The following ANKRD12 variants were observed in gnomAD, a reference collection of about 807,000 sequenced individuals.
ANKRD12 encodes ankyrin repeat domain-containing protein 12.
A neutral mutation model predicts 183.4 loss-of-function variants in ANKRD12; 85 were observed. The ratio of observed to expected loss-of-function variants is 0.46; its 90% CI spans 0.39 to 0.56. ANKRD12 has a LOEUF of 0.56. Among genes scored for constraint, ANKRD12 ranks in the 20% least tolerant of loss-of-function variants. The pLI, the probability that ANKRD12 is intolerant of heterozygous loss-of-function variation, is 0.00. For missense variants in ANKRD12, 2,405 were observed against 2,357.1 expected (o/e 1.02, Z -0.42); for synonymous variants, 914 against 800.2 (o/e 1.14, Z -2.40).
chr18:9,272,243 A>AG (rs895642791), intron 10 of ANKRD12, among the ~76,000 whole-genome samples: 1 of 152,196 alleles, frequency 6.6e-6, no homozygotes, highest in Admixed American at 6.5e-5. Context: ...CAATTATTTT[A>AG]GGGGAGAGAG....
chr18:9,245,138 A>G (rs1379520480), intron 8 of ANKRD12, among the ~76,000 whole-genome samples: 1 of 152,162 alleles, frequency 6.6e-6, no homozygotes, highest in African/African-American at 2.4e-5. Flanking sequence ...GTTTTTTCTT[A>G]GTAATAATTC....
At chr18:9,198,556 A>C (rs1039111100) in intron 3 of ANKRD12, among the ~76,000 whole-genome samples, 5 of 152,160 alleles carry the variant, frequency 3.3e-5, no homozygotes, top group Admixed American at 3.3e-4. Flanking sequence ...AATAATGATA[A>C]CTATTATTAT....
intron 10 of ANKRD12, among the ~76,000 whole-genome samples, chr18:9,265,901 A>G (rs968701732): frequency 6.6e-5 from 10 of 152,232 alleles, no homozygotes; most frequent in Admixed American, 2.6e-4. Flanking sequence ...GCTAACTAGA[A>G]TAACCAATGC....
chr18:9,180,112 T>G (rs541245565), intron 1 of ANKRD12, among the ~76,000 whole-genome samples: 2 of 152,352 alleles, frequency 1.3e-5, no homozygotes, highest in South Asian at 2.1e-4. Flanking sequence ...GTTGGCCGTT[T>G]TTGTTTCATG....
rs1260107047 is a variant in ANKRD12, at chr18:9,254,585, T to G, written c.1318T>G (p.Ser440Ala). The G allele has an allele frequency of 6.3e-7, 1 of 1,579,778 alleles. No homozygotes were observed. Among genetic ancestry groups the G allele is most frequent in the African/African-American group, 1.4e-5 (1 of 73,078 alleles). The change falls in exon 9 of 13, where the codon TCT (serine) becomes GCT (alanine). Residue 440 changes from serine (S) to alanine (A), a missense_variant. Ser to Ala is a moderately conservative substitution (Grantham distance 99). Transcript: ENST00000262126. ...AGAAGCTCTTCAGAATAAAAAGATT[T>G]CTACTTCATGTTCCGTCATCCCTGA... ...DEEALQNKKI[S>A]TSCSVIPETS...
At chr18:9,211,162 A>G (rs2035782862) in intron 5 of ANKRD12, among the ~76,000 whole-genome samples, 1 of 152,160 alleles carries the variant, frequency 6.6e-6, no homozygotes, top group Admixed American at 6.5e-5. Context: ...TGCACATAAT[A>G]TAAGAACAGA....
intron 1 of ANKRD12, among the ~76,000 whole-genome samples, chr18:9,179,204 A>C (rs887487477): frequency 6.6e-6 from 1 of 152,152 alleles, no homozygotes; most frequent in Admixed American, 6.5e-5. Context: ...ATAGATTATC[A>C]TGGTATCTGG....
chr18:9,262,628 T>G (rs1210879273), intron 9 of ANKRD12, among the ~76,000 whole-genome samples: 1 of 151,234 alleles, frequency 6.6e-6, no homozygotes, highest in African/African-American at 2.4e-5. Flanking sequence ...TCCAGCTAAT[T>G]TTTAAATTTT....
intron 11 of ANKRD12, 149 bp from the exon 12 acceptor site, chr18:9,279,400 A>T: frequency 1.9e-6 from 1 of 534,730 alleles, no homozygotes; most frequent in Non-Finnish European, 3.3e-6. Context: ...TAAAAGTTTT[A>T]CCAACTTCAG....
chr18:9,258,378 A>G lies in ANKRD12; in HGVS notation c.5111A>G (p.Gln1704Arg), dbSNP rs764321934. ...GAAAACCATTCACAGCAGTCAACTCAACCAGAAATGCATAAATATGGTCAG... is the reference window on the plus strand; with the variant it reads ...GAAAACCATTCACAGCAGTCAACTCGACCAGAAATGCATAAATATGGTCAG... ...SLENHSQQST[Q>R]PEMHKYGQLV... is the part of the protein sequence containing the mutation. Residue 1704 changes from glutamine (Q) to arginine (R), a missense_variant, in exon 9 of 13, where the codon CAA becomes CGA. Physicochemically the swap from Gln to Arg is conservative, Grantham distance 43. Coordinates refer to ENST00000262126, the MANE Select transcript of ANKRD12 (RefSeq NM_015208.5). The G allele has an allele frequency of 1.2e-6, 2 of 1,613,766 alleles. No homozygotes were observed. The highest frequency in any genetic ancestry group is 2.2e-5 in the East Asian group (1 of 44,850).
intron 8 of ANKRD12, among the ~76,000 whole-genome samples, chr18:9,250,697 A>G (rs1389354450): frequency 1.3e-5 from 2 of 152,316 alleles, no homozygotes; most frequent in East Asian, 3.9e-4. Context: ...AGCCTGGGCA[A>G]CAGAACAAGA....
At chr18:9,229,449 T>G (rs1338511752) in intron 8 of ANKRD12, among the ~76,000 whole-genome samples, 1 of 152,172 alleles carries the variant, frequency 6.6e-6, no homozygotes, top group Non-Finnish European at 1.5e-5. Flanking sequence ...TCCATTTGTT[T>G]GTGTCTGCTT....
chr18:9,166,585 T>C (rs1426501111), intron 1 of ANKRD12, among the ~76,000 whole-genome samples: 5 of 152,148 alleles, frequency 3.3e-5, no homozygotes, highest in Non-Finnish European at 7.3e-5. Context: ...TCTTGTAAAT[T>C]TGTTTGAGTT....
chr18:9,149,016 A>C (rs1055457370), intron 1 of ANKRD12, among the ~76,000 whole-genome samples: 7 of 151,888 alleles, frequency 4.6e-5, no homozygotes, highest in African/African-American at 1.7e-4. Flanking sequence ...TCCTCCTCCC[A>C]CACCAGCCCC....
At chr18:9,144,122 C>G (rs1295939183) in intron 1 of ANKRD12, among the ~76,000 whole-genome samples, 3 of 152,074 alleles carry the variant, frequency 2.0e-5, no homozygotes, top group Non-Finnish European at 4.4e-5. Flanking sequence ...CACATCATAT[C>G]CTGTGGCCAT....
intron 8 of ANKRD12, among the ~76,000 whole-genome samples, chr18:9,250,975 G>T (rs954924402): frequency 2.0e-5 from 3 of 152,088 alleles, no homozygotes; most frequent in Non-Finnish European, 4.4e-5. Context: ...TAGTTGACTA[G>T]AAGTTTTTTG....
At chr18:9,238,496 CTTAA>C (rs1183617662) in intron 8 of ANKRD12, among the ~76,000 whole-genome samples, 2 of 152,184 alleles carry the variant, frequency 1.3e-5, no homozygotes, top group Non-Finnish European at 2.9e-5. Context: ...CGTGTTCTAT[CTTAA>C]TTAGTGTAAC....
intron 8 of ANKRD12, among the ~76,000 whole-genome samples, chr18:9,230,165 T>G (rs1449224629): frequency 2.0e-5 from 3 of 152,230 alleles, no homozygotes; most frequent in African/African-American, 7.2e-5. Context: ...TTTTTATTAC[T>G]GAATTGGTCT....
intron 8 of ANKRD12, among the ~76,000 whole-genome samples, chr18:9,242,480 A>G (rs2037721176): frequency 1.3e-5 from 2 of 152,016 alleles, no homozygotes; most frequent in African/African-American, 4.8e-5. Flanking sequence ...AAATGAGTTC[A>G]GCTTTAGCTA....
Sources: allele counts gnomAD v4.1 joint callset (sites outside exome capture counted in the v4.1 genomes callset), GRCh38; gene constraint gnomAD v4.1.1; transcripts MANE v1.5; gene names NCBI Gene and HGNC (gene_info 2026-07-23, HGNC 2026-07-21).